Variants in ILRUN observed in about 807,000 individuals in gnomAD.
ILRUN encodes the protein inflammation and lipid regulator with UBA-like and NBR1-like domains, also known as protein ILRUN.
ILRUN carries 3 observed loss-of-function variants against 33.8 expected under a neutral mutation model. The ratio of observed to expected loss-of-function variants is 0.09; its 90% CI spans 0.04 to 0.23. ILRUN has a LOEUF of 0.23. ILRUN is among the 10% of genes least tolerant of loss of function. ILRUN has a pLI of 1.00. For synonymous variants in ILRUN, 124 were observed against 138.9 expected (o/e 0.89, Z 0.75); for missense variants, 210 against 375.1 (o/e 0.56, Z 3.64).
intron 3 of ILRUN, among the ~76,000 whole-genome samples, chr6:34,642,033 A>G (rs1400493960): frequency 6.6e-6 from 1 of 152,214 alleles, no homozygotes; most frequent in African/African-American, 2.4e-5. Context: ...ACTCCTCACT[A>G]TGAATTTTGC....
At position 34,638,983 on chromosome 6, in the gene ILRUN, T is replaced by C. The variant is rs6922140; in HGVS notation, c.511+7618A>G. On this transcript the variant is annotated intron_variant, in intron 3 of 4. Transcript: ENST00000374023. ...GTATGAAGAAGTTTGTATGAAACCA[T>C]AGCTTCTTTTGTAACATGATGTTAC... Among the ~76,000 whole-genome samples, 1,158 of 152,306 alleles carry C rather than the reference T, an allele frequency of 7.6e-3. 21 individuals are homozygous for C. The highest frequency in any genetic ancestry group is 0.026 in the African/African-American group (1,101 of 41,574).
At chr6:34,593,376 G>A (rs1761335205) in intron 4 of ILRUN, among the ~76,000 whole-genome samples, 1 of 152,146 alleles carries the variant, frequency 6.6e-6, no homozygotes, top group African/African-American at 2.4e-5. Context: ...TTTATGATTT[G>A]TCTAGAATAC....
At chr6:34,621,132 G>A (rs1762005408) in intron 3 of ILRUN, among the ~76,000 whole-genome samples, 1 of 152,102 alleles carries the variant, frequency 6.6e-6, no homozygotes, top group Non-Finnish European at 1.5e-5. Context: ...TACAAAAAGG[G>A]GGAAATCAAA....
chr6:34,631,229 G>C (rs1762237899), intron 3 of ILRUN, among the ~76,000 whole-genome samples: 1 of 152,140 alleles, frequency 6.6e-6, no homozygotes, highest in African/African-American at 2.4e-5. Flanking sequence ...AAAGAAGCCA[G>C]TAGTAATGTA....
intron 1 of ILRUN, among the ~76,000 whole-genome samples, chr6:34,682,271 T>G (rs796799711): frequency 1.9e-5 from 2 of 105,628 alleles, no homozygotes; most frequent in African/African-American, 5.2e-5. Context: ...TTTTTTTTTT[T>G]TTTTTTGAGA....
chr6:34,596,531 TAGAA>T (rs1167571630), intron 4 of ILRUN, among the ~76,000 whole-genome samples: 1 of 152,188 alleles, frequency 6.6e-6, no homozygotes, highest in East Asian at 1.9e-4. Flanking sequence ...CAGGCTGGTC[TAGAA>T]CTCCTGACCT....
intron 3 of ILRUN, among the ~76,000 whole-genome samples, chr6:34,624,523 G>A (rs919819317): frequency 6.6e-6 from 1 of 151,060 alleles, no homozygotes; most frequent in Non-Finnish European, 1.5e-5. Flanking sequence ...TAGTAAAGAT[G>A]GGGTTTCACC....
chr6:34,682,259 T>TTTTTTTGTTTTG (rs1554189577), intron 1 of ILRUN, among the ~76,000 whole-genome samples: 125 of 54,356 alleles, frequency 2.3e-3, no homozygotes, highest in African/African-American at 0.016. Context: ...CTGTTTTTTT[T>TTTTTTTGTTTTG]TTTTTTTTTT....
intron 3 of ILRUN, among the ~76,000 whole-genome samples, chr6:34,620,306 G>A (rs529397001): frequency 7.2e-5 from 11 of 152,114 alleles, no homozygotes; most frequent in Non-Finnish European, 1.2e-4. Flanking sequence ...ATGGTGACTG[G>A]CACAAGGCAG....
rs540587144 is a variant in ILRUN, at chr6:34,691,152, T to C, written c.158+5294A>G. On this transcript the variant is annotated intron_variant, in intron 1 of 4. Coordinates refer to ENST00000374023, the MANE Select transcript of ILRUN (RefSeq NM_024294.4). ...ATCCGTCCGCCTCGGCCTCCCAAAG[T>C]GCTGGGATTACAGGTGTGAGCCACT... Among the ~76,000 whole-genome samples the C allele has an allele frequency of 1.0e-3, 159 of 152,204 alleles. 1 individual carries two copies. The highest frequency in any genetic ancestry group is 3.6e-3 in the African/African-American group (150 of 41,526).
chr6:34,680,043 TTG>T (rs1763327412), intron 1 of ILRUN, among the ~76,000 whole-genome samples: 1 of 152,288 alleles, frequency 6.6e-6, no homozygotes, highest in Non-Finnish European at 1.5e-5. Flanking sequence ...GCCACCCAGT[TTG>T]TGTTGTTTCT....
chr6:34,683,182 ATGTG>A (rs1419033688), intron 1 of ILRUN, among the ~76,000 whole-genome samples: 6 of 151,328 alleles, frequency 4.0e-5, no homozygotes, highest in South Asian at 2.1e-4. Context: ...ATTTGTATAT[ATGTG>A]TATGTGTATA....
chr6:34,607,099 T>A (rs867434948), intron 3 of ILRUN, among the ~76,000 whole-genome samples, 195 bp from the exon 4 acceptor site: 2 of 152,218 alleles, frequency 1.3e-5, no homozygotes, highest in South Asian at 4.1e-4. Flanking sequence ...TAATGTCAAA[T>A]TCAAATTCTA....
intron 3 of ILRUN, chr6:34,617,269 A>G (rs1227731388): frequency 2.8e-6 from 1 of 360,998 alleles, no homozygotes; most frequent in African/African-American, 2.1e-5. Context: ...GGCGTCTATC[A>G]TGATTATTTT....
At chr6:34,643,892 G>C (rs1456233792) in intron 3 of ILRUN, among the ~76,000 whole-genome samples, 1 of 152,162 alleles carries the variant, frequency 6.6e-6, no homozygotes, top group Non-Finnish European at 1.5e-5. Flanking sequence ...AGTAGAGACA[G>C]GATTCCACTA....
At chr6:34,659,305 T>C (rs1262117558) in intron 1 of ILRUN, among the ~76,000 whole-genome samples, 1 of 152,248 alleles carries the variant, frequency 6.6e-6, no homozygotes, top group Non-Finnish European at 1.5e-5. Flanking sequence ...TGTTTCCTGA[T>C]AAAATACAAC....
intron 2 of ILRUN, among the ~76,000 whole-genome samples, chr6:34,654,030 AT>A (rs200054373): frequency 1.2e-4 from 18 of 146,988 alleles, no homozygotes; most frequent in South Asian, 4.3e-4. Context: ...CCCAATCTGT[AT>A]TTTTTTTTTA....
Position 34,667,691 on chromosome 6 carries a change from G to A in ILRUN, c.159-12912C>T, listed in dbSNP as rs150301571. 3.4e-4 allele frequency among the ~76,000 whole-genome samples: 51 copies of A among 152,236 alleles called. No individual in the cohort carries two copies. In the South Asian group the frequency reaches 8.9e-3, roughly 27 times the overall value. ...AACATAATATGCCTCCTGATGTGAC[G>A]CAATAGAAGACATAGCATCATCTAT... On this transcript the variant is annotated intron_variant, in intron 1 of 4. Coordinates refer to ENST00000374023, the MANE Select transcript of ILRUN (RefSeq NM_024294.4).
At chr6:34,616,627 C>G in intron 3 of ILRUN, 1 of 1,562,812 alleles carries the variant, frequency 6.4e-7, no homozygotes, top group East Asian at 2.2e-5. Context: ...AGATCAATCG[C>G]CTGAGAAAGA....
Sources: gnomAD v4.1 joint callset for allele counts (sites outside exome capture counted in the v4.1 genomes callset) on GRCh38, gnomAD v4.1.1 for gene constraint, MANE v1.5 for transcripts, NCBI Gene and HGNC (gene_info 2026-07-23, HGNC 2026-07-21) for gene names.